The following GPR39 variants were observed in gnomAD, a reference collection of about 807,000 sequenced individuals.
GPR39 encodes zinc sensing receptor.
Under a neutral mutation model 18.4 loss-of-function variants are expected in GPR39, and 23 were observed. The observed-to-expected ratio is 1.25, with a 90% confidence interval of 0.90 to 1.77. The LOEUF is 1.77. GPR39 is among the 40% of genes most tolerant of loss of function. The probability of loss-of-function intolerance (pLI) is 0.00; values close to 1 mark genes in which losing one functional copy is unlikely to be tolerated. For synonymous variants in GPR39, 280 were observed against 257.9 expected (o/e 1.09, Z -0.82); for missense variants, 647 against 602.4 (o/e 1.07, Z -0.78).
intron 1 of GPR39, among the ~76,000 whole-genome samples, chr2:132,452,771 T>G (rs1680653369): frequency 6.6e-6 from 1 of 151,796 alleles, no homozygotes; most frequent in Non-Finnish European, 1.5e-5. Flanking sequence ...AATGACGGTT[T>G]CCAGCTTCAT....
chr2:132,482,278 T>A (rs1681249657), intron 1 of GPR39, among the ~76,000 whole-genome samples: 1 of 152,222 alleles, frequency 6.6e-6, no homozygotes, highest in African/African-American at 2.4e-5. Context: ...GACCTGAGGA[T>A]TTTTTATTCA....
At chr2:132,447,380 G>A (rs1340847372) in intron 1 of GPR39, among the ~76,000 whole-genome samples, 1 of 152,128 alleles carries the variant, frequency 6.6e-6, no homozygotes, top group Non-Finnish European at 1.5e-5. Flanking sequence ...TATTATCAGG[G>A]GCGCTTTGTT....
rs977843015 is a variant in GPR39 at position 132,455,011 on chromosome 2, G to A, written c.856+37113G>A. Among the ~76,000 whole-genome samples the A allele has an allele frequency of 5.9e-5, 9 of 152,230 alleles. No individual in the cohort carries two copies. In the East Asian group the frequency reaches 1.7e-3, roughly 29 times the overall value. The stretch of plus-strand genomic sequence containing the variant: ...TTGGCCTCATAAAATGAATTAGGGA[G>A]GATTCTCTCTTTTTCTATTGATTGG... On this transcript the variant is annotated intron_variant, in intron 1 of 1. Transcript: ENST00000329321.
chr2:132,455,446 T>C (rs1009772735), intron 1 of GPR39, among the ~76,000 whole-genome samples: 4 of 152,116 alleles, frequency 2.6e-5, no homozygotes, highest in African/African-American at 9.7e-5. Flanking sequence ...CTGGAGTCAT[T>C]GAATTTTGAA....
chr2:132,442,987 A>T (rs1267414991), intron 1 of GPR39, among the ~76,000 whole-genome samples: 1 of 152,242 alleles, frequency 6.6e-6, no homozygotes, highest in Non-Finnish European at 1.5e-5. Flanking sequence ...AATTTACATT[A>T]AAATGAATAA....
intron 1 of GPR39, among the ~76,000 whole-genome samples, chr2:132,496,200 G>T (rs1028208793): frequency 2.0e-5 from 3 of 152,122 alleles, no homozygotes; most frequent in Non-Finnish European, 2.9e-5. Context: ...ATGCTGTTTT[G>T]CTTGCCTTTT....
At chr2:132,428,977 C>T (rs1704870238) in intron 1 of GPR39, among the ~76,000 whole-genome samples, 1 of 152,176 alleles carries the variant, frequency 6.6e-6, no homozygotes, top group African/African-American at 2.4e-5. Flanking sequence ...ATTCAAGGGG[C>T]TTATGAGATG....
At chr2:132,617,857 G>A (rs1681365419) in intron 1 of GPR39, among the ~76,000 whole-genome samples, 1 of 152,196 alleles carries the variant, frequency 6.6e-6, no homozygotes, top group South Asian at 2.1e-4. Context: ...GTGTCCATGT[G>A]TGATACTTAG....
chr2:132,517,148 T>G (rs1324586746), intron 1 of GPR39, among the ~76,000 whole-genome samples: 1 of 151,800 alleles, frequency 6.6e-6, no homozygotes. Context: ...TTTGTGTGTT[T>G]AGGGGTGTGT....
intron 1 of GPR39, among the ~76,000 whole-genome samples, chr2:132,460,660 G>GA (rs1226743155): frequency 3.3e-5 from 5 of 152,124 alleles, no homozygotes; most frequent in Admixed American, 1.3e-4. Context: ...CAGTTTCTGG[G>GA]AAGGTGTGCT....
intron 1 of GPR39, among the ~76,000 whole-genome samples, chr2:132,465,390 T>A (rs543892040): frequency 6.2e-4 from 95 of 152,066 alleles, no homozygotes; most frequent in Non-Finnish European, 1.2e-3. Flanking sequence ...AAGTTAGCCA[T>A]GGAATGCAAC....
intron 1 of GPR39, among the ~76,000 whole-genome samples, chr2:132,586,053 G>T (rs1257663020): frequency 6.7e-6 from 1 of 149,870 alleles, no homozygotes; most frequent in East Asian, 2.0e-4. Flanking sequence ...CACGGCTGCT[G>T]CCGCTGGTGG....
intron 1 of GPR39, among the ~76,000 whole-genome samples, chr2:132,511,980 T>A (rs1679249877): frequency 6.6e-6 from 1 of 152,214 alleles, no homozygotes; most frequent in African/African-American, 2.4e-5. Flanking sequence ...TCATTGTTCC[T>A]CACCCTCACC....
chr2:132,461,666 A>T (rs935059886), intron 1 of GPR39, among the ~76,000 whole-genome samples: 6 of 152,342 alleles, frequency 3.9e-5, no homozygotes, highest in African/African-American at 1.4e-4. Context: ...TTTTTGTCGT[A>T]AATCCCCCAT....
rs559982464 is a variant in GPR39 at position 132,533,457 on chromosome 2, G to A, written c.857-111644G>A. 7.7e-4 allele frequency among the ~76,000 whole-genome samples: 104 copies of A among 135,400 alleles called. 6 individuals are homozygous for A. Among genetic ancestry groups the A allele is most frequent in the African/African-American group, 2.5e-3 (98 of 39,294 alleles). The allele number at this position is 135,400 out of a possible 152,430, so 88.8% of individuals were successfully genotyped here. A position where few individuals can be genotyped will look rare whatever the true frequency, so the allele number is the denominator to read the frequency against. On this transcript the variant is annotated intron_variant, in intron 1 of 1. Coordinates refer to ENST00000329321, the MANE Select transcript of GPR39 (RefSeq NM_001508.3). ...ATAGATTCAATGTCATCCCCATCAA[G>A]CTACCAATGACTTTCTTCACAGAAT...
chr2:132,565,534 A>G (rs1385869790), intron 1 of GPR39, among the ~76,000 whole-genome samples: 4 of 142,348 alleles, frequency 2.8e-5, no homozygotes, highest in Middle Eastern at 3.2e-3. Flanking sequence ...ATATCTCCCA[A>G]TGCCATCCCT....
chr2:132,498,074 TA>T (rs1237884875), intron 1 of GPR39, among the ~76,000 whole-genome samples: 9 of 152,348 alleles, frequency 5.9e-5, no homozygotes, highest in Admixed American at 2.6e-4. Flanking sequence ...AACTGATGTA[TA>T]TTTTTTTAAT....
At chr2:132,562,045 C>T (rs937861530) in intron 1 of GPR39, among the ~76,000 whole-genome samples, 12 of 152,314 alleles carry the variant, frequency 7.9e-5, no homozygotes, top group Middle Eastern at 6.8e-3. Flanking sequence ...CCAGTCCAGT[C>T]AAGTTAACCC....
At chr2:132,586,288 G>A (rs1350899798) in intron 1 of GPR39, among the ~76,000 whole-genome samples, 1 of 152,132 alleles carries the variant, frequency 6.6e-6, no homozygotes, top group African/African-American at 2.4e-5. Context: ...GCCTGTCGGT[G>A]ATTCTGAAGG....
Sources: allele counts gnomAD v4.1 joint callset (sites outside exome capture counted in the v4.1 genomes callset), GRCh38; gene constraint gnomAD v4.1.1; transcripts MANE v1.5; gene names NCBI Gene and HGNC (gene_info 2026-07-23, HGNC 2026-07-21).